Variants in CBR4 observed in about 807,000 individuals in gnomAD.
CBR4 encodes 3-oxoacyl-[acyl-carrier-protein] reductase.
CBR4 carries 22 observed loss-of-function variants against 21.0 expected under a neutral mutation model. The observed-to-expected ratio is 1.05, with a 90% confidence interval of 0.75 to 1.50. The LOEUF (loss-of-function observed/expected upper bound fraction) is 1.50. Ranked by LOEUF, CBR4 falls within the 40% of genes most tolerant of loss-of-function variation. The probability of loss-of-function intolerance (pLI) is 0.00; values close to 1 mark genes in which losing one functional copy is unlikely to be tolerated. For synonymous variants in CBR4, 100 were observed against 104.4 expected (o/e 0.96, Z 0.26); for missense variants, 302 against 286.3 (o/e 1.05, Z -0.40).
intron 2 of CBR4, among the ~76,000 whole-genome samples, chr4:168,959,793 G>A (rs1315262788): frequency 1.3e-5 from 2 of 149,988 alleles, no homozygotes; most frequent in Non-Finnish European, 3.0e-5. Context: ...TCAAACTCCT[G>A]ACCTCGTAAT....
downstream of CBR4, among the ~76,000 whole-genome samples, chr4:168,984,163 G>A (rs578090101): frequency 1.3e-5 from 2 of 151,974 alleles, no homozygotes; most frequent in Non-Finnish European, 2.9e-5. Flanking sequence ...AAACCCTATC[G>A]TCTATGCCCA....
intron 2 of CBR4, chr4:168,898,825 C>T: frequency 5.1e-6 from 4 of 778,196 alleles, no homozygotes; most frequent in Non-Finnish European, 6.8e-6. Flanking sequence ...TTCTCAATAC[C>T]CACGATATAA....
chr4:168,931,908 C>A (rs1553987438), intron 2 of CBR4, among the ~76,000 whole-genome samples: 1 of 151,780 alleles, frequency 6.6e-6, no homozygotes, highest in Non-Finnish European at 1.5e-5. Context: ...CACACCCCCC[C>A]TAACTGACAC....
intron 2 of CBR4, among the ~76,000 whole-genome samples, chr4:168,917,049 GTT>G (rs1190179892): frequency 6.4e-5 from 8 of 124,876 alleles, no homozygotes; most frequent in Admixed American, 2.4e-4. Context: ...TTTTTTTGGG[GTT>G]TTTTTTTTTT....
At chr4:168,894,547 A>G in intron 3 of CBR4, 2 of 1,443,400 alleles carry the variant, frequency 1.4e-6, no homozygotes, top group Non-Finnish European at 1.9e-6. Context: ...TTTTTTTCTA[A>G]TTTTGTATTT....
chr4:168,987,927 T>C lies in CBR4; in HGVS notation c.*2223A>G. On this transcript the variant is annotated 3_prime_UTR_variant, in exon 5 of 5. Coordinates refer to ENST00000306193, the MANE Select transcript of CBR4 (RefSeq NM_032783.5). ...TTAAAGCCCTCCATGCAAAAAAAAA[T>C]TAATACATTGGCTTTACCTATAAAC... 1 of 983,792 alleles carries C rather than the reference T, an allele frequency of 1.0e-6. No individual in the cohort carries two copies. The highest frequency in any genetic ancestry group is 1.7e-5 in the African/African-American group (1 of 57,268). 60.9% of individuals were successfully genotyped at this position (983,792 alleles called of 1,614,324 possible). A position where few individuals can be genotyped will look rare whatever the true frequency, so the allele number is the denominator to read the frequency against.
At chr4:168,983,533 G>A (rs540110003), downstream of CBR4, among the ~76,000 whole-genome samples, 1 of 152,154 alleles carries the variant, frequency 6.6e-6, no homozygotes, top group South Asian at 2.1e-4. Flanking sequence ...AAGTCAAGGA[G>A]GGACTCCTTC....
chr4:168,993,702 A>G (rs565629732), intron 4 of CBR4, among the ~76,000 whole-genome samples: 5 of 152,356 alleles, frequency 3.3e-5, no homozygotes, highest in Admixed American at 2.6e-4. Context: ...AATACTTCCC[A>G]GTAACTCTCA....
At position 168,974,281 on chromosome 4, in the gene CBR4, GA is replaced by G. The variant is rs142184670; in HGVS notation, n.169+27789del. Among the ~76,000 whole-genome samples the G allele has an allele frequency of 6.1e-3, 935 of 152,316 alleles. 2 individuals carry two copies. Among genetic ancestry groups the G allele is most frequent in the African/African-American group, 0.017 (694 of 41,572 alleles). On this transcript the variant is annotated intron_variant and non_coding_transcript_variant, in intron 2 of 3. Transcript: ENST00000509108. ...AGGGTTTCTGCTGAGAAAACTGCTG[GA>G]AATCCGATAGGTTTTCCTTTATAGA...
chr4:168,903,718 C>T (rs1239737711), intron 2 of CBR4: 1 of 1,546,330 alleles, frequency 6.5e-7, no homozygotes, highest in East Asian at 2.2e-5. Flanking sequence ...AGTAGGAATA[C>T]ACAAACTCCT....
downstream of CBR4, among the ~76,000 whole-genome samples, chr4:168,983,200 C>T (rs762530345): frequency 1.1e-4 from 17 of 151,794 alleles, no homozygotes; most frequent in Non-Finnish European, 8.8e-5. Context: ...GGGACAAGAT[C>T]CAAAGAAACA....
chr4:168,902,198 C>T (rs902322278), intron 2 of CBR4, among the ~76,000 whole-genome samples: 12 of 152,268 alleles, frequency 7.9e-5, no homozygotes, highest in Admixed American at 7.8e-4. Context: ...AATTTACATA[C>T]TGATTTATAT....
intron 2 of CBR4, among the ~76,000 whole-genome samples, chr4:168,910,799 A>C (rs6837210): frequency 0.69 from 104,932 of 152,006 alleles, 37,606 homozygotes; most frequent in East Asian, 0.96. Context: ...TACTGAATGC[A>C]ATACGAAGGT....
chr4:168,910,870 G>A (rs1467799963), intron 2 of CBR4, among the ~76,000 whole-genome samples: 1 of 152,126 alleles, frequency 6.6e-6, no homozygotes, highest in African/African-American at 2.4e-5. Context: ...GGTTAAATAT[G>A]AAAGAATTTT....
At chr4:168,911,725 A>G (rs1758993779) in intron 2 of CBR4, among the ~76,000 whole-genome samples, 1 of 152,186 alleles carries the variant, frequency 6.6e-6, no homozygotes, top group Non-Finnish European at 1.5e-5. Flanking sequence ...TTAGCATAAG[A>G]ATCTGTATCA....
In CBR4 at chr4:168,946,131, C is replaced by G. The variant is rs532125213; in HGVS notation, n.170-51366G>C. The stretch of plus-strand genomic sequence containing the variant: ...ATAAGCTTCCTTGGCTGAGAGATAC[C>G]AGGAATAGTTTATTACAGACTACCA... On this transcript the variant is annotated intron_variant and non_coding_transcript_variant, in intron 2 of 3. Coordinates refer to the CBR4 transcript ENST00000509108. Among the ~76,000 whole-genome samples the G allele has an allele frequency of 4.6e-5, 7 of 152,178 alleles. No individual in the cohort carries two copies. The East Asian group carries it at 1.4e-3, about 29-fold the overall frequency.
chr4:168,937,679 C>G (rs1235929244), intron 2 of CBR4, among the ~76,000 whole-genome samples: 2 of 145,948 alleles, frequency 1.4e-5, no homozygotes, highest in Non-Finnish European at 3.0e-5. Context: ...TCTGATAAAA[C>G]AGACTTTAAA....
chr4:168,941,828 T>C (rs1246784530), intron 2 of CBR4, among the ~76,000 whole-genome samples: 2 of 152,184 alleles, frequency 1.3e-5, no homozygotes, highest in Admixed American at 6.6e-5. Flanking sequence ...GATGATGAGC[T>C]TTTTTATATA....
intron 2 of CBR4, among the ~76,000 whole-genome samples, chr4:168,937,544 G>A (rs1027748932): frequency 8.6e-5 from 13 of 151,694 alleles, no homozygotes; most frequent in East Asian, 3.9e-4. Context: ...AAGACCCATC[G>A]GTGTCCTATA....
Sources: gnomAD v4.1 joint callset for allele counts (sites outside exome capture counted in the v4.1 genomes callset) on GRCh38, gnomAD v4.1.1 for gene constraint, MANE v1.5 for transcripts, NCBI Gene and HGNC (gene_info 2026-07-23, HGNC 2026-07-21) for gene names.